Variants in KIRREL3 observed in about 807,000 individuals in gnomAD.
The protein encoded by KIRREL3 is kin of IRRE-like protein 3.
KIRREL3 carries 36 observed loss-of-function variants against 89.7 expected under a neutral mutation model. That is an observed-to-expected ratio of 0.40 (90% CI 0.31 to 0.53). The LOEUF (loss-of-function observed/expected upper bound fraction) is 0.53, where lower values mean the gene tolerates loss of function less well. Ranked by LOEUF, KIRREL3 falls within the 20% of genes least tolerant of loss-of-function variation. The pLI, the probability that KIRREL3 is intolerant of heterozygous loss-of-function variation, is 0.49. For synonymous variants in KIRREL3, 445 were observed against 441.4 expected, an observed-to-expected ratio of 1.01 and a Z score of -0.10; for missense variants, 864 against 1,056.6, an observed-to-expected ratio of 0.82 and a Z score of 2.53.
intron 1 of KIRREL3, among the ~76,000 whole-genome samples, chr11:126,979,451 G>A (rs1949664919): frequency 6.6e-6 from 1 of 152,150 alleles, no homozygotes; most frequent in African/African-American, 2.4e-5. Context: ...ACTGCATCCA[G>A]GATTGATTTG....
At chr11:126,532,328 T>C (rs534761571) in intron 2 of KIRREL3, among the ~76,000 whole-genome samples, 1 of 152,296 alleles carries the variant, frequency 6.6e-6, no homozygotes, top group African/African-American at 2.4e-5. Context: ...AAGTACTCAC[T>C]CCACCAACAA....
rs572449678 is a variant in KIRREL3, at chr11:126,830,711, G to A, written c.55+169744C>T. On this transcript the variant is annotated intron_variant, in intron 1 of 16. Transcript: ENST00000525144. The surrounding 1 kb of genome is among the most constrained non-coding windows in gnomAD (Gnocchi z 4.9). ...ACTGCCTGGATGCAAAACTAACTTA[G>A]CATAGCAGCTGAATGTGAAAGCTCT... is the stretch of plus-strand genomic sequence containing the variant. 1.1e-4 allele frequency among the ~76,000 whole-genome samples: 17 copies of A among 152,290 alleles called. No individual in the cohort carries two copies. The highest frequency in any genetic ancestry group is 3.9e-4 in the Admixed American group (6 of 15,304).
At chr11:126,539,493 G>C (rs899031986) in intron 2 of KIRREL3, among the ~76,000 whole-genome samples, 14 of 152,316 alleles carry the variant, frequency 9.2e-5, no homozygotes, top group African/African-American at 2.6e-4. Context: ...CAGGGAGACT[G>C]ATCAGCAAGG....
At chr11:126,632,820 G>A (rs956055754) in intron 1 of KIRREL3, among the ~76,000 whole-genome samples, 3 of 48,722 alleles carry the variant, frequency 6.2e-5, no homozygotes, top group Admixed American at 2.2e-4. Flanking sequence ...GACCAGGCGC[G>A]GTAGCTCATG....
chr11:126,821,628 T>C (rs939519), intron 1 of KIRREL3, among the ~76,000 whole-genome samples: 131,147 of 151,882 alleles, frequency 0.86, 56,972 homozygotes, highest in East Asian at 1. Context: ...TTATGTTACA[T>C]GGCAAATGGG....
intron 1 of KIRREL3, among the ~76,000 whole-genome samples, chr11:126,927,240 A>G (rs68091907): frequency 2.1e-5 from 2 of 94,732 alleles, no homozygotes; most frequent in African/African-American, 4.5e-5. Context: ...ACACACACAC[A>G]CACGCACGCA....
chr11:126,815,738 T>G (rs1392407424), intron 1 of KIRREL3, among the ~76,000 whole-genome samples: 1 of 152,140 alleles, frequency 6.6e-6, no homozygotes, highest in Non-Finnish European at 1.5e-5. Flanking sequence ...GGTTTCACTG[T>G]GTTAGTCAGG....
chr11:126,827,869 T>G (rs1393582281), intron 1 of KIRREL3, among the ~76,000 whole-genome samples: 2 of 152,176 alleles, frequency 1.3e-5, no homozygotes, highest in Non-Finnish European at 2.9e-5. Context: ...GGCACTGCCT[T>G]GTCATCTGAT....
In KIRREL3 at chr11:126,513,272, C is replaced by A. The variant is rs1384883959; in HGVS notation, c.433+8043G>T. On this transcript the variant is annotated intron_variant, in intron 4 of 16. Coordinates refer to ENST00000525144, the MANE Select transcript of KIRREL3 (RefSeq NM_032531.4). This position sits in a 1 kb window ranked among gnomAD's most constrained non-coding sequence, Gnocchi z 5.9. ...AGATGCTGGGGGGTATGGGGGCTGG[C>A]CCTGGGCATGGTCATTTGGGAAGCT... Among the ~76,000 whole-genome samples, 2 of 152,078 alleles carry A rather than the reference C, an allele frequency of 1.3e-5. No individual in the cohort carries two copies. The highest frequency in any genetic ancestry group is 4.8e-5 in the African/African-American group (2 of 41,394).
At chr11:126,842,283 G>A (rs7103444) in intron 1 of KIRREL3, among the ~76,000 whole-genome samples, 129,246 of 152,188 alleles carry the variant, frequency 0.85, 55,085 homozygotes, top group East Asian at 1. Context: ...CTGCTCAATC[G>A]GCCATGTATG....
At chr11:126,934,556 T>C (rs1336492436) in intron 1 of KIRREL3, among the ~76,000 whole-genome samples, 1 of 152,104 alleles carries the variant, frequency 6.6e-6, no homozygotes. Flanking sequence ...ACTTGATAAA[T>C]AACTTGCTGT....
At chr11:126,616,314 T>C (rs1161304362) in intron 1 of KIRREL3, among the ~76,000 whole-genome samples, 7 of 152,124 alleles carry the variant, frequency 4.6e-5, no homozygotes, top group Non-Finnish European at 8.8e-5. Flanking sequence ...TTCGTGGGAA[T>C]GGTGATTCCT....
At chr11:126,584,031 T>C (rs1941695443) in intron 1 of KIRREL3, among the ~76,000 whole-genome samples, 1 of 152,324 alleles carries the variant, frequency 6.6e-6, no homozygotes, top group Admixed American at 6.5e-5. Context: ...ATGTGTTAGC[T>C]TAACGTAGCT....
intron 7 of KIRREL3, among the ~76,000 whole-genome samples, chr11:126,453,947 T>A (rs1956260340): frequency 6.6e-6 from 1 of 151,660 alleles, no homozygotes; most frequent in African/African-American, 2.4e-5. Flanking sequence ...TCCAGGGGAG[T>A]ACGAAAGGGA....
chr11:126,829,533 C>T (rs1424823577), intron 1 of KIRREL3, among the ~76,000 whole-genome samples: 1 of 152,108 alleles, frequency 6.6e-6, no homozygotes, highest in African/African-American at 2.4e-5. Context: ...CCCCAAACTA[C>T]CTTCTTACCT....
chr11:126,488,462 C>T (rs970741369), intron 4 of KIRREL3, among the ~76,000 whole-genome samples: 3 of 152,254 alleles, frequency 2.0e-5, no homozygotes, highest in African/African-American at 7.2e-5. Context: ...GGTCCGCAGT[C>T]GTGGAGGCAG....
intron 1 of KIRREL3, among the ~76,000 whole-genome samples, chr11:126,974,326 G>A (rs555098320): frequency 1.7e-4 from 26 of 152,232 alleles, no homozygotes; most frequent in African/African-American, 6.3e-4. Context: ...ACTTAACGGA[G>A]ATACGTTCTG....
At position 126,906,752 on chromosome 11, in the gene KIRREL3, C is replaced by T. The variant is rs1946601977; in HGVS notation, c.55+93703G>A. Among the ~76,000 whole-genome samples, 2 of 152,220 alleles carry T rather than the reference C, an allele frequency of 1.3e-5. No homozygotes were observed. The highest frequency in any genetic ancestry group is 2.1e-4 in the South Asian group (1 of 4,834). Reference sequence around the variant, plus strand: ...GTCTGCACTGCACTCGGATCCCCAGCACCTCCTCTGTAGCCCACAGTGCAA... The same window carrying T: ...GTCTGCACTGCACTCGGATCCCCAGTACCTCCTCTGTAGCCCACAGTGCAA... On this transcript the variant is annotated intron_variant, in intron 1 of 16. Transcript: ENST00000525144. The surrounding 1 kb of genome is among the most constrained non-coding windows in gnomAD (Gnocchi z 4.1).
At chr11:126,751,720 A>T (rs1949343822) in intron 1 of KIRREL3, among the ~76,000 whole-genome samples, 1 of 152,194 alleles carries the variant, frequency 6.6e-6, no homozygotes, top group African/African-American at 2.4e-5. Context: ...TGTCTATCTG[A>T]ATATGGGAAG....
Sources: allele counts gnomAD v4.1 joint callset (sites outside exome capture counted in the v4.1 genomes callset), GRCh38; gene constraint gnomAD v4.1.1; non-coding constraint Gnocchi (gnomAD v3.1); transcripts MANE v1.5; gene names NCBI Gene and HGNC (gene_info 2026-07-23, HGNC 2026-07-21).